Variants in TLN2 observed in about 807,000 individuals in gnomAD.
The protein encoded by TLN2 is talin 2, also known as talin-2.
Under a neutral mutation model 294.7 loss-of-function variants are expected in TLN2, and 118 were observed. That is an observed-to-expected ratio of 0.40 (90% confidence interval 0.34 to 0.47). TLN2 has a LOEUF of 0.47. TLN2 is among the 20% of genes least tolerant of loss of function. The pLI, the probability that TLN2 is intolerant of heterozygous loss-of-function variation, is 0.84. For synonymous variants in TLN2, 1,431 were observed against 1,304.5 expected, an observed-to-expected ratio of 1.10 and a Z score of -2.09; for missense variants, 3,083 against 3,282.2, an observed-to-expected ratio of 0.94 and a Z score of 1.48.
Position 62,801,732 on chromosome 15 carries a change from GTAC to G in TLN2, c.6477+964_6477+966del, listed in dbSNP as rs1354925056. 3.9e-5 allele frequency among the ~76,000 whole-genome samples: 6 copies of G among 152,328 alleles called. No homozygotes were observed. In the East Asian group the frequency reaches 9.6e-4, roughly 24 times the overall value. ...AACCTAAAAGCTGGTGGTGCCTTAAGTACCACTGCCTGGCACTTGCCTGGCTGC... is the reference window on the plus strand; with the variant it reads ...AACCTAAAAGCTGGTGGTGCCTTAAGCACTGCCTGGCACTTGCCTGGCTGC... On this transcript the variant is annotated intron_variant, in intron 50 of 58. Transcript: ENST00000636159.
At chr15:62,814,109 A>G (rs1179404218) in intron 52 of TLN2, among the ~76,000 whole-genome samples, 2 of 152,194 alleles carry the variant, frequency 1.3e-5, no homozygotes, top group Non-Finnish European at 2.9e-5. Context: ...GGCCTGGCCA[A>G]TATGGGGTTT....
rs552248584 is a variant in TLN2, at chr15:62,713,453, C to T, written c.2634+1376C>T. On this transcript the variant is annotated intron_variant, in intron 22 of 58. Transcript: ENST00000636159. ...CAGCACTTTGAGAGGCCGAGGTGGG[C>T]GGATTACCTGAGGTCAGGAGTTCAA... Among the ~76,000 whole-genome samples the T allele has an allele frequency of 8.6e-5, 13 of 151,480 alleles. 1 individual carries two copies. The South Asian group carries it at 2.3e-3, about 27-fold the overall frequency.
In TLN2 at chr15:62,762,415, A is replaced by G. The variant is rs1373281125; in HGVS notation, c.4923A>G (p.Thr1641=). 2 of 1,614,152 alleles carry G rather than the reference A, an allele frequency of 1.2e-6. No individual in the cohort carries two copies. Among genetic ancestry groups the G allele is most frequent in the Non-Finnish European group, 1.7e-6 (2 of 1,180,030 alleles). Residue 1641 remains threonine (T), a synonymous_variant, in exon 39 of 59, where the codon ACA becomes ACG. Coordinates refer to ENST00000636159, the MANE Select transcript of TLN2 (RefSeq NM_015059.3). ...CTGTACTGGCTGGACATTCCCATAC[A>G]GTGTCCGACTCCATCAAGAGTCTCA... ...TWSVLAGHSH[T]VSDSIKSLIT...
intron 2 of TLN2, among the ~76,000 whole-genome samples, chr15:62,598,112 A>G (rs181272362): frequency 1.3e-5 from 2 of 152,338 alleles, no homozygotes; most frequent in Admixed American, 1.3e-4. Flanking sequence ...AGGCACCTAC[A>G]TCCTTGAAGC....
chr15:62,408,298 C>T (rs1474490447), intron 1 of TLN2, among the ~76,000 whole-genome samples: 1 of 152,144 alleles, frequency 6.6e-6, no homozygotes, highest in Non-Finnish European at 1.5e-5. Flanking sequence ...CTTGTATTAA[C>T]TAAAGTGTGT....
chr15:62,490,361 T>G (rs1198251063), intron 1 of TLN2, among the ~76,000 whole-genome samples: 1 of 152,202 alleles, frequency 6.6e-6, no homozygotes, highest in African/African-American at 2.4e-5. Flanking sequence ...GGGGGTTATC[T>G]CTATGTGACT....
chr15:62,635,885 C>A (rs1357775827), intron 3 of TLN2, among the ~76,000 whole-genome samples: 1 of 152,140 alleles, frequency 6.6e-6, no homozygotes, highest in African/African-American at 2.4e-5. Context: ...GTATCGATTT[C>A]TCTATGTTCC....
At chr15:62,729,826 T>C (rs77018577) in intron 28 of TLN2, among the ~76,000 whole-genome samples, 11,160 of 152,108 alleles carry the variant, frequency 0.073, 709 homozygotes, top group Admixed American at 0.2. Context: ...TTCCTTTTTT[T>C]CCCCTTTGCT....
intron 1 of TLN2, among the ~76,000 whole-genome samples, chr15:62,570,017 T>G (rs1043475745): frequency 6.6e-6 from 1 of 152,228 alleles, no homozygotes; most frequent in Non-Finnish European, 1.5e-5. Context: ...GTCCTCTCTC[T>G]TCCTTCTTCT....
chr15:62,622,894 G>A (rs1198106453), intron 3 of TLN2, among the ~76,000 whole-genome samples: 2 of 152,082 alleles, frequency 1.3e-5, no homozygotes, highest in Non-Finnish European at 2.9e-5. Flanking sequence ...CTAAGCTGTC[G>A]ACATAACATC....
At chr15:62,820,672 A>C (rs1056917850) in intron 54 of TLN2, 62 bp downstream of exon 54, 5 of 1,578,142 alleles carry the variant, frequency 3.2e-6, no homozygotes, top group Non-Finnish European at 4.3e-6. Context: ...GGTGGCTGTG[A>C]AATGGAGCTA....
intron 1 of TLN2, among the ~76,000 whole-genome samples, chr15:62,474,301 G>C (rs2037663553): frequency 6.6e-6 from 1 of 152,064 alleles, no homozygotes; most frequent in South Asian, 2.1e-4. Context: ...ATCATTCTCA[G>C]AGGAATTTGT....
Position 62,593,500 on chromosome 15 carries a change from G to A in TLN2, c.-162+3738G>A, listed in dbSNP as rs539251602. Among the ~76,000 whole-genome samples, 35 of 152,300 alleles carry A rather than the reference G, an allele frequency of 2.3e-4. 1 individual carries two copies. Among genetic ancestry groups the A allele is most frequent in the Non-Finnish European group, 2.9e-5 (2 of 68,030 alleles). On this transcript the variant is annotated intron_variant, in intron 2 of 58. Coordinates refer to ENST00000636159, the MANE Select transcript of TLN2 (RefSeq NM_015059.3). ...ATTTTTTGGCTAATTATGTTCATCAGTTAATTTCTTTCCACATTAAGAAGC... is the reference window on the plus strand; with the variant it reads ...ATTTTTTGGCTAATTATGTTCATCAATTAATTTCTTTCCACATTAAGAAGC...
chr15:62,592,061 G>C (rs963223562), intron 2 of TLN2, among the ~76,000 whole-genome samples: 1 of 152,146 alleles, frequency 6.6e-6, no homozygotes, highest in Non-Finnish European at 1.5e-5. Flanking sequence ...ATGGAAAACT[G>C]TGCTTTCTGT....
intron 3 of TLN2, among the ~76,000 whole-genome samples, chr15:62,632,018 C>A (rs757371887): frequency 1.2e-4 from 18 of 152,190 alleles, no homozygotes; most frequent in Admixed American, 2.0e-4. Flanking sequence ...CATTGGACCA[C>A]CGGTAAGAGA....
chr15:62,627,902 G>C (rs952084886), intron 3 of TLN2, among the ~76,000 whole-genome samples: 1 of 151,992 alleles, frequency 6.6e-6, no homozygotes, highest in Non-Finnish European at 1.5e-5. Context: ...TCCTTTGCCT[G>C]TGTCATGTGC....
intron 9 of TLN2, among the ~76,000 whole-genome samples, chr15:62,663,713 T>C (rs1363707314): frequency 6.6e-6 from 1 of 152,026 alleles, no homozygotes; most frequent in Non-Finnish European, 1.5e-5. Context: ...GGAAGACAGC[T>C]GTCCAATGAT....
At chr15:62,420,697 GT>G (rs1246533274) in intron 1 of TLN2, among the ~76,000 whole-genome samples, 1 of 152,174 alleles carries the variant, frequency 6.6e-6, no homozygotes, top group African/African-American at 2.4e-5. Flanking sequence ...CCCATCAAGA[GT>G]TTTGCCTAGG....
At chr15:62,416,804 G>T (rs74019760) in intron 1 of TLN2, among the ~76,000 whole-genome samples, 1 of 152,056 alleles carries the variant, frequency 6.6e-6, no homozygotes, top group African/African-American at 2.4e-5. Flanking sequence ...TAGAAGACCG[G>T]GCTCTGCCTG....
Sources: gnomAD v4.1 joint callset for allele counts (sites outside exome capture counted in the v4.1 genomes callset) on GRCh38, gnomAD v4.1.1 for gene constraint, MANE v1.5 for transcripts, NCBI Gene and HGNC (gene_info 2026-07-23, HGNC 2026-07-21) for gene names.